Variants in CFAP221 observed in about 807,000 individuals in gnomAD.
CFAP221 encodes the protein cilia- and flagella-associated protein 221.
Under a neutral mutation model 113.1 loss-of-function variants are expected in CFAP221, and 97 were observed. That is an observed-to-expected ratio of 0.86 (90% CI 0.73 to 1.02). CFAP221 has a LOEUF of 1.02. Among genes scored for constraint, CFAP221 ranks in the 50% least tolerant of loss-of-function variants. CFAP221 has a pLI of 0.00. For missense variants in CFAP221, 1,025 were observed against 1,013.4 expected (o/e 1.01, Z -0.16); for synonymous variants, 331 against 354.4 (o/e 0.93, Z 0.74).
chr2:119,644,963 T>C (rs1558992168), intron 21 of CFAP221, among the ~76,000 whole-genome samples: 2 of 151,544 alleles, frequency 1.3e-5, no homozygotes, highest in Admixed American at 6.6e-5. Flanking sequence ...TTAATAAACA[T>C]GCAAAATAAG....
At chr2:119,654,665 G>A (rs1688326286) in intron 23 of CFAP221, among the ~76,000 whole-genome samples, 1 of 152,016 alleles carries the variant, frequency 6.6e-6, no homozygotes, top group Admixed American at 6.5e-5. Flanking sequence ...AACTAACAAT[G>A]AACTATAAAC....
At chr2:119,598,072 G>T (rs770660633) in intron 7 of CFAP221, among the ~76,000 whole-genome samples, 24 of 152,194 alleles carry the variant, frequency 1.6e-4, no homozygotes, top group Middle Eastern at 6.8e-3. Context: ...TATGTGGCTC[G>T]AATGGCTCTA....
At chr2:119,618,438 G>A (rs1269488632) in intron 14 of CFAP221, among the ~76,000 whole-genome samples, 1 of 152,146 alleles carries the variant, frequency 6.6e-6, no homozygotes, top group Non-Finnish European at 1.5e-5. Flanking sequence ...CATGGAGGGT[G>A]AGCCGAAGCA....
rs1684617166 is a variant in CFAP221 at position 119,604,809 on chromosome 2, C to T, written c.912+17C>T. On this transcript the variant is annotated intron_variant, in intron 9 of 23. Transcript: ENST00000413369. ...AAGGTGAAGGTACGGTGGGCCTTGT[C>T]CTTGGTGCGATGAAAGGGTGACAGA... 6.3e-7 allele frequency: 1 copy of T among 1,593,266 alleles called. No homozygotes were observed. Among genetic ancestry groups the T allele is most frequent in the African/African-American group, 1.4e-5 (1 of 73,982 alleles).
Position 119,601,333 on chromosome 2 carries a change from C to A in CFAP221, c.747C>A (p.Tyr249Ter). Residue 249 changes from tyrosine to a stop codon, truncating the protein, a stop_gained, in exon 8 of 24, where the codon TAC (tyrosine) becomes TAA (stop). Transcript: ENST00000413369. LOFTEE classifies it high-confidence loss of function. ...LWISQFNSQP[Y>*]ECVFTGTCYP... ...TTTCGCAGTTCAACTCTCAACCATACGAATGTGTCTTCACCGGAACATGCT... is the reference window on the plus strand; with the variant it reads ...TTTCGCAGTTCAACTCTCAACCATAAGAATGTGTCTTCACCGGAACATGCT... The A allele has an allele frequency of 6.5e-7, 1 of 1,534,886 alleles. No individual in the cohort carries two copies. The highest frequency in any genetic ancestry group is 8.7e-7 in the Non-Finnish European group (1 of 1,146,136).
At chr2:119,611,771 G>A in intron 13 of CFAP221, 29 bp downstream of exon 13, 3 of 1,521,156 alleles carry the variant, frequency 2.0e-6, no homozygotes, top group Non-Finnish European at 2.7e-6. Context: ...TTTAGAATCT[G>A]ATTATTGGCA....
At chr2:119,654,612 G>T (rs998861491) in intron 23 of CFAP221, among the ~76,000 whole-genome samples, 1 of 151,992 alleles carries the variant, frequency 6.6e-6, no homozygotes, top group African/African-American at 2.4e-5. Context: ...ACTCAAAGTG[G>T]TATATCATTT....
intron 7 of CFAP221, among the ~76,000 whole-genome samples, chr2:119,593,755 G>A (rs1397189198): frequency 1.3e-5 from 2 of 151,936 alleles, no homozygotes; most frequent in Non-Finnish European, 2.9e-5. Context: ...GGAGAATGGC[G>A]TGAACCTGGG....
intron 6 of CFAP221, among the ~76,000 whole-genome samples, chr2:119,572,167 C>T (rs922138889): frequency 6.6e-6 from 1 of 152,210 alleles, no homozygotes. Flanking sequence ...TTGCCAGCCA[C>T]CTATAAACAA....
intron 1 of CFAP221, 128 bp from the exon 2 acceptor site, chr2:119,545,957 A>G: frequency 6.3e-6 from 4 of 632,486 alleles, no homozygotes; most frequent in Non-Finnish European, 1.1e-5. Context: ...AGTGGCCCGC[A>G]GAGAGGAGAG....
At chr2:119,597,625 G>A (rs1399005801) in intron 7 of CFAP221, among the ~76,000 whole-genome samples, 1 of 152,172 alleles carries the variant, frequency 6.6e-6, no homozygotes, top group Non-Finnish European at 1.5e-5. Flanking sequence ...CACAAAGCAA[G>A]GAAATAATGA....
chr2:119,548,817 C>T (rs1163410029), intron 2 of CFAP221, among the ~76,000 whole-genome samples: 1 of 152,154 alleles, frequency 6.6e-6, no homozygotes, highest in Non-Finnish European at 1.5e-5. Flanking sequence ...GTGTGAAGAG[C>T]AAATTCTTTT....
intron 13 of CFAP221, among the ~76,000 whole-genome samples, chr2:119,614,424 A>C (rs1685388619): frequency 6.6e-6 from 1 of 152,188 alleles, no homozygotes; most frequent in African/African-American, 2.4e-5. Flanking sequence ...GTAATTTATA[A>C]AGGAAAGAGG....
At chr2:119,559,633 G>A (rs1028232239) in intron 3 of CFAP221, 56 bp from the exon 4 acceptor site, 29 of 1,357,336 alleles carry the variant, frequency 2.1e-5, no homozygotes, top group Non-Finnish European at 2.6e-5. Flanking sequence ...CATAAATGAG[G>A]TGAGTATGCA....
Position 119,629,846 on chromosome 2 carries a change from TTC to T in CFAP221, c.1651-25_1651-24del, listed in dbSNP as rs755587753. ...AGCCACTCTTGCTCAGTGGTGATTG[TTC>T]TCTTTTTTTCTCCTTTCACATTTTA... On this transcript the variant is annotated intron_variant, in intron 16 of 23. Transcript: ENST00000413369. The T allele has an allele frequency of 5.2e-6, 8 of 1,539,814 alleles. No individual in the cohort carries two copies. In the Admixed American group the frequency reaches 1.2e-4, roughly 23 times the overall value.
intron 6 of CFAP221, chr2:119,573,431 C>G (rs1473415181): frequency 6.6e-6 from 1 of 152,228 alleles, no homozygotes; most frequent in Admixed American, 6.5e-5. Context: ...AGCATCTGAC[C>G]AGGGTGACGT....
intron 7 of CFAP221, among the ~76,000 whole-genome samples, chr2:119,595,198 A>G (rs1327592745): frequency 1.3e-5 from 2 of 152,122 alleles, no homozygotes; most frequent in Admixed American, 6.5e-5. Flanking sequence ...GGTCTCTTTT[A>G]TCTCTGTCCC....
At chr2:119,581,094 C>T (rs1400650975) in intron 6 of CFAP221, 4 of 152,074 alleles carry the variant, frequency 2.6e-5, no homozygotes, top group Non-Finnish European at 5.9e-5. Context: ...TGGCAGGAAC[C>T]CCAATATGCA....
chr2:119,627,684 G>C lies in CFAP221; in HGVS notation c.1548G>C (p.Arg516=). 1 of 1,613,506 alleles carries C rather than the reference G, an allele frequency of 6.2e-7. No individual in the cohort carries two copies. Among genetic ancestry groups the C allele is most frequent in the Non-Finnish European group, 8.5e-7 (1 of 1,179,824 alleles). Residue 516 remains arginine, a synonymous_variant, in exon 16 of 24, where the codon CGG becomes CGC. Transcript: ENST00000413369. ...ATTTCTTCAAATTCTTCCTGAGGCG[G>C]ATCAGTCAGGATGATTATACCAGCC... is the stretch of plus-strand genomic sequence containing the variant. The part of the protein sequence containing the change: ...EANFFKFFLR[R]ISQDDYTSRF...
Sources: gnomAD v4.1 joint callset for allele counts (sites outside exome capture counted in the v4.1 genomes callset) on GRCh38, gnomAD v4.1.1 for gene constraint, MANE v1.5 for transcripts, NCBI Gene and HGNC (gene_info 2026-07-23, HGNC 2026-07-21) for gene names.